The following ZNF514 variants were observed in gnomAD, a reference collection of about 807,000 sequenced individuals.
ZNF514 encodes zinc finger protein 514.
Under a neutral mutation model 9.7 loss-of-function variants are expected in ZNF514, and 12 were observed. The observed-to-expected ratio is 1.24, with a 90% confidence interval of 0.79 to 2.01. The LOEUF (loss-of-function observed/expected upper bound fraction) is 2.01, where lower values mean the gene tolerates loss of function less well. Ranked by LOEUF, ZNF514 falls within the 30% of genes most tolerant of loss-of-function variation. The probability of loss-of-function intolerance (pLI) is 0.00; values close to 1 mark genes in which losing one functional copy is unlikely to be tolerated. For missense variants in ZNF514, 467 were observed against 465.5 expected, an observed-to-expected ratio of 1.00 and a Z score of -0.03; for synonymous variants, 158 against 163.7, an observed-to-expected ratio of 0.97 and a Z score of 0.27.
chr2:95,139,395 C>G, the ZNF514 span, among the ~76,000 whole-genome samples: 1 of 152,176 alleles, frequency 6.6e-6, no homozygotes, highest in Non-Finnish European at 1.5e-5. Context: ...GGCCTGGGAG[C>G]CCACCCCTTG....
At chr2:95,137,985 C>A in the ZNF514 span, among the ~76,000 whole-genome samples, 1 of 152,170 alleles carries the variant, frequency 6.6e-6, no homozygotes, top group African/African-American at 2.4e-5. Context: ...CTTTCTCACT[C>A]CTGTTTTCAC....
chr2:95,143,328 TAAAG>T (rs1381541398), downstream of ZNF514, among the ~76,000 whole-genome samples: 1 of 152,146 alleles, frequency 6.6e-6, no homozygotes, highest in East Asian at 1.9e-4. Flanking sequence ...GCTTGTGTAA[TAAAG>T]AACTTGGGCC....
the ZNF514 span, among the ~76,000 whole-genome samples, chr2:95,124,418 G>A: frequency 6.6e-6 from 1 of 152,022 alleles, no homozygotes; most frequent in Non-Finnish European, 1.5e-5. Flanking sequence ...GTATTCCATG[G>A]CACTAACATT....
chr2:95,152,488 AG>A lies in ZNF514; in HGVS notation c.217+185del, dbSNP rs1304514971. Among the ~76,000 whole-genome samples, 9 of 152,350 alleles carry A rather than the reference AG, an allele frequency of 5.9e-5. No homozygotes were observed. The East Asian group carries it at 1.7e-3, about 29-fold the overall frequency. ...GGGAACCAAACAAAGCATAAAGACT[AG>A]AAAAGCAAAGGAACATCTCCTCTCC... On this transcript the variant is annotated intron_variant, in intron 4 of 4. Coordinates refer to ENST00000295208, the MANE Select transcript of ZNF514 (RefSeq NM_032788.3).
Position 95,148,796 on chromosome 2 carries a change from A to G in ZNF514, c.*486T>C, listed in dbSNP as rs1258720539. 1.3e-5 allele frequency: 2 copies of G among 153,458 alleles called. No individual in the cohort carries two copies. Among genetic ancestry groups the G allele is most frequent in the African/African-American group, 2.4e-5 (1 of 41,440 alleles). The allele number at this position is 153,458 out of a possible 1,614,324, so 9.5% of individuals were successfully genotyped here. A position where few individuals can be genotyped will look rare whatever the true frequency, so the allele number is the denominator to read the frequency against. ...GAGCCCTGACTGAAGGCCTTCCTCT[A>G]TTTCCTGCTTTCATAGGGCCTCTCT... is the stretch of plus-strand genomic sequence containing the variant. On this transcript the variant is annotated 3_prime_UTR_variant, in exon 5 of 5. Transcript: ENST00000295208.
chr2:95,152,007 G>A (rs1401564538), intron 4 of ZNF514, among the ~76,000 whole-genome samples: 9 of 152,170 alleles, frequency 5.9e-5, no homozygotes, highest in Admixed American at 4.6e-4. Context: ...GTAAGGTTCT[G>A]GCTCATGGAA....
At position 95,149,038 on chromosome 2, in the gene ZNF514, T is replaced by G; in HGVS notation, c.*244A>C. 2.0e-6 allele frequency: 1 copy of G among 491,638 alleles called. No homozygotes were observed. The highest frequency in any genetic ancestry group is 3.5e-6 in the Non-Finnish European group (1 of 282,780). The allele number at this position is 491,638 out of a possible 1,614,324, so 30.5% of individuals were successfully genotyped here. A position where few individuals can be genotyped will look rare whatever the true frequency, so the allele number is the denominator to read the frequency against. On this transcript the variant is annotated 3_prime_UTR_variant, in exon 5 of 5. Coordinates refer to ENST00000295208, the MANE Select transcript of ZNF514 (RefSeq NM_032788.3). ...TAATATGCATCCTCTGATCAAAGCG[T>G]TCCCACATTCATTACATTCACGTGG...
chr2:95,142,747 T>C (rs1426283939), downstream of ZNF514, among the ~76,000 whole-genome samples: 9 of 152,330 alleles, frequency 5.9e-5, no homozygotes, highest in South Asian at 1.9e-3. Context: ...ACTTGAGGAA[T>C]TGCTTACTTA....
At position 95,149,007 on chromosome 2, in the gene ZNF514, G is replaced by C. The variant is rs571771664; in HGVS notation, c.*275C>G. The C allele has an allele frequency of 5.1e-6, 2 of 390,082 alleles. No homozygotes were observed. The highest frequency in any genetic ancestry group is 9.1e-6 in the Non-Finnish European group (2 of 219,270). 24.2% of individuals were successfully genotyped at this position (390,082 alleles called of 1,614,324 possible). A position where few individuals can be genotyped will look rare whatever the true frequency, so the allele number is the denominator to read the frequency against. On this transcript the variant is annotated 3_prime_UTR_variant, in exon 5 of 5. Coordinates refer to ENST00000295208, the MANE Select transcript of ZNF514 (RefSeq NM_032788.3). Reference sequence around the variant, plus strand: ...TCCTCCCCAGTGTCGGCTGTCTGATGCTGAATAATATGCATCCTCTGATCA... The same window carrying C: ...TCCTCCCCAGTGTCGGCTGTCTGATCCTGAATAATATGCATCCTCTGATCA...
chr2:95,127,166 C>A, the ZNF514 span, among the ~76,000 whole-genome samples: 1 of 152,212 alleles, frequency 6.6e-6, no homozygotes, highest in South Asian at 2.1e-4. Flanking sequence ...GGAAGATTAG[C>A]TGTACGTTTT....
intron 4 of ZNF514, among the ~76,000 whole-genome samples, chr2:95,150,820 T>C (rs1673516690): frequency 6.6e-6 from 1 of 152,184 alleles, no homozygotes; most frequent in African/African-American, 2.4e-5. Flanking sequence ...AAACCCTTTA[T>C]CTTCCACTAT....
At chr2:95,158,866 G>A in intron 1 of ZNF514, 1 of 1,289,680 alleles carries the variant, frequency 7.8e-7, no homozygotes, top group South Asian at 1.2e-5. Context: ...TCACCCTTCA[G>A]TGGGATTCCC....
At chr2:95,126,129 G>A in the ZNF514 span, among the ~76,000 whole-genome samples, 1 of 152,106 alleles carries the variant, frequency 6.6e-6, no homozygotes, top group African/African-American at 2.4e-5. Flanking sequence ...CCAGCACTTT[G>A]GGAGGCCAAG....
Position 95,149,483 on chromosome 2 carries a change from A to G in ZNF514, c.1002T>C (p.His334=), listed in dbSNP as rs1295904045. Reference sequence around the variant, plus strand: ...GTTTCTCTCCAGTATGAAATCTGTAATGCACAATGAGTGATGAGCTCTGGC... The same window carrying G: ...GTTTCTCTCCAGTATGAAATCTGTAGTGCACAATGAGTGATGAGCTCTGGC... The part of the protein sequence containing the change: ...TFSQSSSLIV[H]YRFHTGEKPY... The change falls in exon 5 of 5, where the codon CAT becomes CAC. Residue 334 remains histidine (H), a synonymous_variant. Transcript: ENST00000295208. 1 of 1,613,926 alleles carries G rather than the reference A, an allele frequency of 6.2e-7. No individual in the cohort carries two copies. The highest frequency in any genetic ancestry group is 8.5e-7 in the Non-Finnish European group (1 of 1,179,972).
the ZNF514 span, among the ~76,000 whole-genome samples, chr2:95,137,998 T>C: frequency 6.6e-6 from 1 of 152,198 alleles, no homozygotes; most frequent in South Asian, 2.1e-4. Context: ...GTTTTCACCA[T>C]GTGATGTGGC....
intron 4 of ZNF514, among the ~76,000 whole-genome samples, chr2:95,151,593 T>C (rs1450698628): frequency 2.0e-5 from 3 of 152,244 alleles, no homozygotes; most frequent in African/African-American, 7.2e-5. Context: ...AAGTTTGTGC[T>C]ACTCTGTTTC....
At chr2:95,152,995 G>T in intron 3 of ZNF514, 138 bp downstream of exon 3, 2 of 1,177,742 alleles carry the variant, frequency 1.7e-6, no homozygotes, top group Non-Finnish European at 2.4e-6. Context: ...GCCCCAAAGA[G>T]AATGTAAATG....
intron 2 of ZNF514, chr2:95,155,329 G>A (rs1053002650): frequency 1.3e-5 from 2 of 152,230 alleles, no homozygotes; most frequent in African/African-American, 4.8e-5. Context: ...GTAACCTACA[G>A]ACTTTCCCAC....
the ZNF514 span, among the ~76,000 whole-genome samples, chr2:95,123,188 A>G: frequency 2.0e-5 from 3 of 152,166 alleles, no homozygotes; most frequent in African/African-American, 7.2e-5. Context: ...GGGTTATTCT[A>G]TCCACCTCAT....
Sources: allele counts gnomAD v4.1 joint callset (sites outside exome capture counted in the v4.1 genomes callset), GRCh38; gene constraint gnomAD v4.1.1; transcripts MANE v1.5; gene names NCBI Gene and HGNC (gene_info 2026-07-23, HGNC 2026-07-21).